Variants in AP3B1 observed in about 807,000 individuals in gnomAD.
AP3B1 encodes the protein adaptor related protein complex 3 subunit beta 1.
AP3B1 carries 61 observed loss-of-function variants against 132.5 expected under a neutral mutation model. That is an observed-to-expected ratio of 0.46 (90% CI 0.37 to 0.57). The LOEUF is 0.57. Ranked by LOEUF, AP3B1 falls within the 20% of genes least tolerant of loss-of-function variation. The probability of loss-of-function intolerance (pLI) is 0.00; values close to 1 mark genes in which losing one functional copy is unlikely to be tolerated. For missense variants in AP3B1, 1,120 were observed against 1,289.4 expected, an observed-to-expected ratio of 0.87 and a Z score of 2.01; for synonymous variants, 388 against 438.3, an observed-to-expected ratio of 0.89 and a Z score of 1.43.
intron 17 of AP3B1, among the ~76,000 whole-genome samples, chr5:78,122,307 C>T (rs1372451396): frequency 1.3e-5 from 2 of 152,230 alleles, no homozygotes; most frequent in Non-Finnish European, 2.9e-5. Context: ...TGCCCTCTCT[C>T]ACCACTCCTA....
intron 22 of AP3B1, among the ~76,000 whole-genome samples, chr5:78,071,773 A>G (rs1040247298): frequency 1.3e-5 from 2 of 152,214 alleles, no homozygotes; most frequent in African/African-American, 4.8e-5. Flanking sequence ...CAATATTATT[A>G]CATCTATATT....
Position 78,078,204 on chromosome 5 carries a change from A to C in AP3B1, c.2577+11189T>G, listed in dbSNP as rs145633798. Among the ~76,000 whole-genome samples, 191 of 152,268 alleles carry C rather than the reference A, an allele frequency of 1.3e-3. 2 individuals are homozygous for C. The highest frequency in any genetic ancestry group is 4.4e-3 in the African/African-American group (183 of 41,566). ...AGTAACATGTTCCAAAGAAAATTTCAATGTCATTGTCCTTTCCTCTTCCTT... is the reference window on the plus strand; with the variant it reads ...AGTAACATGTTCCAAAGAAAATTTCCATGTCATTGTCCTTTCCTCTTCCTT... On this transcript the variant is annotated intron_variant, in intron 22 of 26. Coordinates refer to ENST00000255194, the MANE Select transcript of AP3B1 (RefSeq NM_003664.5).
intron 1 of AP3B1, 65 bp from the exon 2 acceptor site, chr5:78,267,660 T>C (rs1580568162): frequency 9.0e-6 from 9 of 995,356 alleles, no homozygotes; most frequent in South Asian, 4.2e-5. Context: ...TTAAAATATA[T>C]CATTTTCATA....
Position 78,135,540 on chromosome 5 carries a change from T to TTAAA in AP3B1, c.1650+5599_1650+5602dup, listed in dbSNP as rs3050114. Among the ~76,000 whole-genome samples, 402 of 151,336 alleles carry TTAAA rather than the reference T, an allele frequency of 2.7e-3. 1 individual carries two copies. The highest frequency in any genetic ancestry group is 9.7e-3 in the East Asian group (50 of 5,146). On this transcript the variant is annotated intron_variant, in intron 15 of 26. Transcript: ENST00000255194. ...AGGTTCTAGTTCTATACATCTTACA[T>TTAAA]TAAATAAATAAATAAATAAATAAAT...
chr5:78,266,583 T>C (rs1349252407), intron 2 of AP3B1, among the ~76,000 whole-genome samples: 1 of 152,164 alleles, frequency 6.6e-6, no homozygotes, highest in Admixed American at 6.5e-5. Context: ...ATTGTTTTAG[T>C]TGTGTCATCG....
At chr5:78,082,128 G>A (rs544172270) in intron 22 of AP3B1, among the ~76,000 whole-genome samples, 1 of 152,096 alleles carries the variant, frequency 6.6e-6, no homozygotes, top group Non-Finnish European at 1.5e-5. Context: ...TTCCTGCATA[G>A]TTCTAGTATC....
At position 78,090,279 on chromosome 5, in the gene AP3B1, T is replaced by C. The variant is rs931430430; in HGVS notation, c.2471-780A>G. On this transcript the variant is annotated intron_variant, in intron 21 of 26. Coordinates refer to ENST00000255194, the MANE Select transcript of AP3B1 (RefSeq NM_003664.5). The stretch of plus-strand genomic sequence containing the variant: ...ACATACTCTTGATATGTGGCTAGTA[T>C]GACTAAATAAATGCATTTTAAACTT... Among the ~76,000 whole-genome samples, 59 of 152,240 alleles carry C rather than the reference T, an allele frequency of 3.9e-4. 1 individual carries two copies. Among genetic ancestry groups the C allele is most frequent in the Non-Finnish European group, 7.3e-5 (5 of 68,038 alleles).
At position 78,238,643 on chromosome 5, in the gene AP3B1, G is replaced by A. The variant is rs139371083; in HGVS notation, c.279+2219C>T. 4.6e-3 allele frequency among the ~76,000 whole-genome samples: 693 copies of A among 152,058 alleles called. 1 individual carries two copies. Among genetic ancestry groups the A allele is most frequent in the African/African-American group, 0.016 (658 of 41,462 alleles). ...ATAGAAAAAGTACAGTAAAAATACAGTATTATAATCATATGGGACCACTGT... is the reference window on the plus strand; with the variant it reads ...ATAGAAAAAGTACAGTAAAAATACAATATTATAATCATATGGGACCACTGT... On this transcript the variant is annotated intron_variant, in intron 3 of 26. Transcript: ENST00000255194.
At chr5:78,289,488 C>T (rs945192954) in intron 1 of AP3B1, among the ~76,000 whole-genome samples, 5 of 152,120 alleles carry the variant, frequency 3.3e-5, no homozygotes, top group African/African-American at 4.8e-5. Flanking sequence ...AAGCCCACCC[C>T]GATTTAAACA....
intron 22 of AP3B1, among the ~76,000 whole-genome samples, chr5:78,060,628 CATG>C (rs1205847395): frequency 3.9e-5 from 6 of 152,146 alleles, no homozygotes; most frequent in African/African-American, 1.2e-4. Context: ...CTTGTGTTTA[CATG>C]ATTTCTGTTT....
At chr5:78,231,033 T>C (rs1484303776) in intron 3 of AP3B1, among the ~76,000 whole-genome samples, 2 of 151,704 alleles carry the variant, frequency 1.3e-5, no homozygotes, top group Non-Finnish European at 2.9e-5. Flanking sequence ...GGCAAGAGAA[T>C]TGCTGGAACC....
chr5:78,158,223 C>T (rs1743236356), intron 13 of AP3B1, among the ~76,000 whole-genome samples: 1 of 151,894 alleles, frequency 6.6e-6, no homozygotes, highest in South Asian at 2.1e-4. Context: ...TTTCGGAGGC[C>T]GAGGCAGGAG....
chr5:78,079,701 T>G (rs1454807837), intron 22 of AP3B1, among the ~76,000 whole-genome samples: 1 of 152,186 alleles, frequency 6.6e-6, no homozygotes, highest in African/African-American at 2.4e-5. Context: ...TAAAAACCTG[T>G]ATATAAAATA....
At chr5:78,291,751 A>T (rs1749533768) in intron 1 of AP3B1, among the ~76,000 whole-genome samples, 1 of 152,196 alleles carries the variant, frequency 6.6e-6, no homozygotes, top group African/African-American at 2.4e-5. Flanking sequence ...AATTAAATAT[A>T]TTATCTTGGA....
chr5:78,175,158 C>A (rs961837299), intron 11 of AP3B1, among the ~76,000 whole-genome samples: 5 of 152,192 alleles, frequency 3.3e-5, no homozygotes, highest in African/African-American at 1.2e-4. Context: ...GGGAAATCAC[C>A]CGACCTCTTG....
At chr5:78,274,910 C>T (rs964366153) in intron 1 of AP3B1, among the ~76,000 whole-genome samples, 2 of 127,940 alleles carry the variant, frequency 1.6e-5, no homozygotes, top group Non-Finnish European at 3.6e-5. Context: ...GGGTGAGACC[C>T]TATCTTTTTT....
intron 22 of AP3B1, among the ~76,000 whole-genome samples, chr5:78,069,345 A>G (rs1312302034): frequency 6.6e-6 from 1 of 152,232 alleles, no homozygotes; most frequent in African/African-American, 2.4e-5. Flanking sequence ...TCTTATATCT[A>G]GAAAACCCAT....
At chr5:78,163,674 TAC>T (rs1049016340) in intron 12 of AP3B1, among the ~76,000 whole-genome samples, 2,743 of 149,088 alleles carry the variant, frequency 0.018, 100 homozygotes, top group African/African-American at 0.061. Flanking sequence ...CATATATATA[TAC>T]ACACACACAA....
chr5:78,118,492 A>G (rs1028454933), intron 17 of AP3B1, among the ~76,000 whole-genome samples: 2 of 147,598 alleles, frequency 1.4e-5, no homozygotes, highest in African/African-American at 5.0e-5. Flanking sequence ...GCGCTTTTCC[A>G]ACGGGCTTCA....
Sources: allele counts gnomAD v4.1 joint callset (sites outside exome capture counted in the v4.1 genomes callset), GRCh38; gene constraint gnomAD v4.1.1; transcripts MANE v1.5; gene names NCBI Gene and HGNC (gene_info 2026-07-23, HGNC 2026-07-21).